EYS: variants seen among roughly 807,000 people sequenced by gnomAD.
The protein encoded by EYS is protein eyes shut homolog.
A neutral mutation model predicts 282.1 loss-of-function variants in EYS; 250 were observed. That is an observed-to-expected ratio of 0.89 (90% confidence interval 0.80 to 0.98). The LOEUF is 0.98. Ranked by LOEUF, EYS falls within the 50% of genes least tolerant of loss-of-function variation. EYS has a pLI of 0.00. For synonymous variants in EYS, 1,355 were observed against 1,282.9 expected, an observed-to-expected ratio of 1.06 and a Z score of -1.20; for missense variants, 4,016 against 3,709.0, an observed-to-expected ratio of 1.08 and a Z score of -2.15.
At chr6:65,455,918 T>C (rs555076944) in intron 5 of EYS, among the ~76,000 whole-genome samples, 74 of 150,610 alleles carry the variant, frequency 4.9e-4, no homozygotes, top group African/African-American at 1.7e-3. Flanking sequence ...AGCACTACTT[T>C]GATTTTAATA....
intron 7 of EYS, among the ~76,000 whole-genome samples, chr6:65,393,347 T>C (rs1766134930): frequency 6.6e-6 from 1 of 152,016 alleles, no homozygotes; most frequent in African/African-American, 2.4e-5. Context: ...CTTATAAATG[T>C]GACTATTGAT....
chr6:63,923,109 G>A (rs1335599288), intron 35 of EYS, among the ~76,000 whole-genome samples: 1 of 152,140 alleles, frequency 6.6e-6, no homozygotes, highest in South Asian at 2.1e-4. Flanking sequence ...GCCATAGGCT[G>A]TTATAGGATG....
At chr6:64,444,895 C>T (rs1039600174) in intron 26 of EYS, among the ~76,000 whole-genome samples, 6 of 152,118 alleles carry the variant, frequency 3.9e-5, no homozygotes, top group African/African-American at 1.2e-4. Context: ...CATGTGAAAC[C>T]CTGCCTCCCA....
intron 29 of EYS, among the ~76,000 whole-genome samples, chr6:64,307,469 T>C (rs557919376): frequency 1.8e-4 from 28 of 152,228 alleles, no homozygotes; most frequent in African/African-American, 6.3e-4. Flanking sequence ...ATTATCTCAC[T>C]TATAGGTAGA....
chr6:64,185,890 C>A (rs1042089531), intron 31 of EYS, among the ~76,000 whole-genome samples: 4 of 152,110 alleles, frequency 2.6e-5, no homozygotes, highest in East Asian at 1.9e-4. Flanking sequence ...GATAGTCATA[C>A]CATTTTTGTT....
intron 4 of EYS, chr6:65,491,585 C>G (rs1766045548): frequency 4.6e-6 from 2 of 435,192 alleles, no homozygotes; most frequent in African/African-American, 4.1e-5. Context: ...TGCCTCCAAG[C>G]AACCCTAAAT....
At chr6:65,381,451 C>A (rs1356065969) in intron 8 of EYS, among the ~76,000 whole-genome samples, 1 of 152,026 alleles carries the variant, frequency 6.6e-6, no homozygotes, top group Non-Finnish European at 1.5e-5. Context: ...AAATATCACA[C>A]ACCGAGGCCT....
chr6:64,617,081 C>G (rs374076288), intron 24 of EYS, among the ~76,000 whole-genome samples: 1 of 152,054 alleles, frequency 6.6e-6, no homozygotes, highest in Admixed American at 6.6e-5. Flanking sequence ...ATAAAAGTTC[C>G]GCCAAGACCC....
chr6:65,559,950 T>C (rs1482342049), intron 2 of EYS, among the ~76,000 whole-genome samples: 1 of 151,188 alleles, frequency 6.6e-6, no homozygotes, highest in Non-Finnish European at 1.5e-5. Flanking sequence ...AAATACTTTC[T>C]AGTTTCTTTA....
At chr6:64,866,573 T>C (rs1466244428) in intron 19 of EYS, among the ~76,000 whole-genome samples, 1 of 151,862 alleles carries the variant, frequency 6.6e-6, no homozygotes, top group Non-Finnish European at 1.5e-5. Flanking sequence ...AAAAGGCCTC[T>C]AGTTAGATAT....
At chr6:65,076,857 G>A (rs532692361) in intron 12 of EYS, among the ~76,000 whole-genome samples, 1 of 152,040 alleles carries the variant, frequency 6.6e-6, no homozygotes, top group South Asian at 2.1e-4. Flanking sequence ...CATTGATAAT[G>A]ACTATCAGAA....
At chr6:65,051,189 T>C (rs1056606568) in intron 13 of EYS, among the ~76,000 whole-genome samples, 5 of 151,532 alleles carry the variant, frequency 3.3e-5, no homozygotes, top group African/African-American at 1.2e-4. Flanking sequence ...CTGAAAACTT[T>C]TATATTTTAG....
intron 22 of EYS, among the ~76,000 whole-genome samples, chr6:64,800,943 C>T (rs1484791140): frequency 6.6e-6 from 1 of 151,990 alleles, no homozygotes; most frequent in East Asian, 1.9e-4. Flanking sequence ...ACACATTAAG[C>T]ACAATAAAGT....
intron 28 of EYS, among the ~76,000 whole-genome samples, chr6:64,411,629 G>A (rs1205379710): frequency 6.6e-6 from 1 of 152,004 alleles, no homozygotes; most frequent in Non-Finnish European, 1.5e-5. Flanking sequence ...GATCACTTGA[G>A]GCCAGGAGTT....
intron 26 of EYS, among the ~76,000 whole-genome samples, chr6:64,482,626 G>A (rs1776467027): frequency 2.6e-5 from 4 of 151,646 alleles, no homozygotes; most frequent in South Asian, 4.1e-4. Flanking sequence ...TGTTTTATCA[G>A]TGTAATGTAG....
At chr6:65,548,690 C>T (rs1461290948) in intron 2 of EYS, among the ~76,000 whole-genome samples, 3 of 152,162 alleles carry the variant, frequency 2.0e-5, no homozygotes, top group Non-Finnish European at 4.4e-5. Flanking sequence ...TCATGCTTCT[C>T]CTTATGAACT....
At chr6:64,796,066 C>T (rs914912035) in intron 22 of EYS, among the ~76,000 whole-genome samples, 2 of 152,154 alleles carry the variant, frequency 1.3e-5, no homozygotes, top group South Asian at 2.1e-4. Context: ...TTAAAAACTG[C>T]TCACGCATGA....
At chr6:65,163,579 C>T (rs2150223041) in intron 12 of EYS, among the ~76,000 whole-genome samples, 1 of 151,226 alleles carries the variant, frequency 6.6e-6, no homozygotes, top group East Asian at 2.0e-4. Flanking sequence ...AAAGGCATGT[C>T]TTTATTGACA....
At chr6:64,460,469 C>A (rs1372602445) in intron 26 of EYS, among the ~76,000 whole-genome samples, 1 of 152,152 alleles carries the variant, frequency 6.6e-6, no homozygotes, top group Non-Finnish European at 1.5e-5. Context: ...ATTGGAAAAT[C>A]TCATTCCTAA....
Sources: allele counts gnomAD v4.1 joint callset (sites outside exome capture counted in the v4.1 genomes callset), GRCh38; gene constraint gnomAD v4.1.1; transcripts MANE v1.5; gene names NCBI Gene and HGNC (gene_info 2026-07-23, HGNC 2026-07-21).